PLPPR4: variants seen among roughly 807,000 people sequenced by gnomAD.
The protein encoded by PLPPR4 is phospholipid phosphatase-related protein type 4.
Under a neutral mutation model 56.6 loss-of-function variants are expected in PLPPR4, and 24 were observed. The observed-to-expected ratio is 0.42, with a 90% CI of 0.31 to 0.60. PLPPR4 has a LOEUF of 0.60. Ranked by LOEUF, PLPPR4 falls within the 20% of genes least tolerant of loss-of-function variation. The pLI is 0.13. For synonymous variants in PLPPR4, 326 were observed against 328.1 expected, an observed-to-expected ratio of 0.99 and a Z score of 0.07; for missense variants, 654 against 885.8, an observed-to-expected ratio of 0.74 and a Z score of 3.32.
chr1:99,298,993 C>A, intron 3 of PLPPR4, 42 bp from the exon 4 acceptor site: 1 of 1,393,194 alleles, frequency 7.2e-7, no homozygotes, highest in Non-Finnish European at 1.0e-6. Context: ...GATGCTGACA[C>A]AACCACCAAC....
chr1:99,288,553 C>T (rs924563149), intron 2 of PLPPR4, among the ~76,000 whole-genome samples: 1 of 152,086 alleles, frequency 6.6e-6, no homozygotes, highest in Non-Finnish European at 1.5e-5. Flanking sequence ...CTATCACTCA[C>T]AGTTTTATTT....
upstream of PLPPR4, chr1:99,264,258 G>A (rs140700752): frequency 4.6e-4 from 267 of 575,588 alleles, no homozygotes; most frequent in African/African-American, 3.7e-3. Context: ...CGTCGCAAGG[G>A]CGGTAGAGAG....
chr1:99,267,077 T>C (rs538147948), intron 1 of PLPPR4, among the ~76,000 whole-genome samples: 19 of 152,336 alleles, frequency 1.2e-4, no homozygotes, highest in African/African-American at 4.6e-4. Flanking sequence ...AAAGCATATA[T>C]TTTTAGCCTT....
chr1:99,287,898 C>T, intron 1 of PLPPR4, 67 bp from the exon 2 acceptor site: 1 of 1,245,100 alleles, frequency 8.0e-7, no homozygotes, highest in Admixed American at 2.2e-5. Context: ...GAGAAAGCCA[C>T]TTGTTTTCTA....
upstream of PLPPR4, among the ~76,000 whole-genome samples, chr1:99,263,159 T>C (rs951753800): frequency 1.1e-4 from 17 of 152,114 alleles, no homozygotes; most frequent in Admixed American, 9.2e-4. Flanking sequence ...CAGGACCTAC[T>C]TGGAGTTTGT....
intron 2 of PLPPR4, 59 bp downstream of exon 2, chr1:99,288,209 T>A (rs974744201): frequency 3.4e-5 from 50 of 1,489,230 alleles, no homozygotes; most frequent in Non-Finnish European, 4.4e-5. Context: ...ATCACCACAT[T>A]TGTATAATAA....
chr1:99,276,691 A>G (rs1659192646), intron 1 of PLPPR4, among the ~76,000 whole-genome samples: 1 of 152,170 alleles, frequency 6.6e-6, no homozygotes, highest in Admixed American at 6.5e-5. Context: ...CAAGTTCAAG[A>G]TAGTTTAGTA....
In PLPPR4 at chr1:99,308,801, G is replaced by A. The variant is rs539959053; in HGVS notation, c.*1791G>A. 7.9e-5 allele frequency: 12 copies of A among 152,670 alleles called. No homozygotes were observed. Among genetic ancestry groups the A allele is most frequent in the African/African-American group, 2.9e-4 (12 of 41,544 alleles). 9.5% of individuals were successfully genotyped at this position (152,670 alleles called of 1,614,324 possible). A position where few individuals can be genotyped will look rare whatever the true frequency, so the allele number is the denominator to read the frequency against. ...CCCTTCTGGCAATTTCCTTCTCAGA[G>A]AGGGGAGTGGGAATAAAATGTTGCC... On this transcript the variant is annotated 3_prime_UTR_variant, in exon 7 of 7. Coordinates refer to ENST00000370185, the MANE Select transcript of PLPPR4 (RefSeq NM_014839.5).
Position 99,307,802 on chromosome 1 carries a change from T to C in PLPPR4, c.*792T>C, listed in dbSNP as rs1447830767. 1 of 152,328 alleles carries C rather than the reference T, an allele frequency of 6.6e-6. No individual in the cohort carries two copies. Among genetic ancestry groups the C allele is most frequent in the South Asian group, 2.1e-4 (1 of 4,828 alleles). 9.4% of individuals were successfully genotyped at this position (152,328 alleles called of 1,614,324 possible). On this transcript the variant is annotated 3_prime_UTR_variant, in exon 7 of 7. Coordinates refer to ENST00000370185, the MANE Select transcript of PLPPR4 (RefSeq NM_014839.5). ...GGTACTGCTAATGAATCTGTTTTCT[T>C]AGTGAGTAAATTTGCATAATTTTAT...
chr1:99,296,279 G>A (rs889814539), intron 2 of PLPPR4, among the ~76,000 whole-genome samples: 27 of 152,098 alleles, frequency 1.8e-4, no homozygotes, highest in African/African-American at 5.1e-4. Flanking sequence ...TAAAAATTCA[G>A]CTACTCATTT....
At chr1:99,296,900 CTT>C (rs5776465) in intron 3 of PLPPR4, 33 bp downstream of exon 3, 303 of 1,381,548 alleles carry the variant, frequency 2.2e-4, no homozygotes, top group Non-Finnish European at 2.7e-4. Context: ...AAAAGAAATG[CTT>C]TTTTTTTTAT....
intron 1 of PLPPR4, among the ~76,000 whole-genome samples, chr1:99,280,847 G>T (rs969848702): frequency 2.6e-5 from 4 of 152,224 alleles, no homozygotes; most frequent in Admixed American, 6.5e-5. Flanking sequence ...TGGAGAGTAG[G>T]TGGAAAGCAA....
chr1:99,270,224 C>G (rs761148881), intron 1 of PLPPR4, among the ~76,000 whole-genome samples: 21 of 152,098 alleles, frequency 1.4e-4, no homozygotes, highest in Non-Finnish European at 2.4e-4. Context: ...CAGGATTTCA[C>G]CATGTTGCCC....
At chr1:99,265,571 T>C (rs577346052) in intron 1 of PLPPR4, among the ~76,000 whole-genome samples, 1 of 152,336 alleles carries the variant, frequency 6.6e-6, no homozygotes, top group East Asian at 1.9e-4. Flanking sequence ...AAGGGTTGTA[T>C]TGCATAGATT....
At chr1:99,288,810 G>A (rs187678350) in intron 2 of PLPPR4, among the ~76,000 whole-genome samples, 5 of 152,050 alleles carry the variant, frequency 3.3e-5, no homozygotes, top group East Asian at 1.9e-4. Context: ...ATAAGATGAC[G>A]AATATCCTAA....
intron 1 of PLPPR4, among the ~76,000 whole-genome samples, chr1:99,285,371 A>T (rs1001932976): frequency 1.3e-5 from 2 of 152,184 alleles, no homozygotes; most frequent in East Asian, 1.9e-4. Flanking sequence ...AAATATATTT[A>T]TATGGATTTA....
chr1:99,273,014 T>A (rs1659097669), intron 1 of PLPPR4, among the ~76,000 whole-genome samples: 1 of 152,160 alleles, frequency 6.6e-6, no homozygotes, highest in Admixed American at 6.5e-5. Flanking sequence ...AGCATCATGG[T>A]AGCCTTTTAT....
In PLPPR4 at chr1:99,307,035, C is replaced by T. The variant is rs1348449601; in HGVS notation, c.*25C>T. 1.3e-6 allele frequency: 2 copies of T among 1,556,454 alleles called. No individual in the cohort carries two copies. The highest frequency in any genetic ancestry group is 2.7e-5 in the African/African-American group (2 of 73,492). On this transcript the variant is annotated 3_prime_UTR_variant, in exon 7 of 7. Coordinates refer to ENST00000370185, the MANE Select transcript of PLPPR4 (RefSeq NM_014839.5). ...AGTGATGTCCATTCCATCATTAGGG[C>T]TACTCGCAAAAGACCATATGTTGAT...
At chr1:99,298,905 C>G in intron 3 of PLPPR4, 130 bp from the exon 4 acceptor site, 1 of 758,794 alleles carries the variant, frequency 1.3e-6, no homozygotes, top group Non-Finnish European at 2.3e-6. Context: ...TCTATACTGT[C>G]TTCTTGAAAT....
Sources: allele counts gnomAD v4.1 joint callset (sites outside exome capture counted in the v4.1 genomes callset), GRCh38; gene constraint gnomAD v4.1.1; transcripts MANE v1.5; gene names NCBI Gene and HGNC (gene_info 2026-07-23, HGNC 2026-07-21).